The following CWC25 variants were observed in gnomAD, a reference collection of about 807,000 sequenced individuals.
The protein encoded by CWC25 is pre-mRNA-splicing factor CWC25 homolog.
Under a neutral mutation model 54.6 loss-of-function variants are expected in CWC25, and 31 were observed. The ratio of observed to expected loss-of-function variants is 0.57; its 90% CI spans 0.43 to 0.77. The LOEUF is 0.77. CWC25 is among the 30% of genes least tolerant of loss of function. The pLI, the probability that CWC25 is intolerant of heterozygous loss-of-function variation, is 0.00. For missense variants in CWC25, 453 were observed against 529.3 expected (o/e 0.86, Z 1.41); for synonymous variants, 151 against 187.0 (o/e 0.81, Z 1.57).
At chr17:38,824,690 T>A (rs1217897222) in intron 1 of CWC25, among the ~76,000 whole-genome samples, 1 of 146,638 alleles carries the variant, frequency 6.8e-6, no homozygotes, top group Admixed American at 6.8e-5. Context: ...CTCAAAAAAA[T>A]AAAAAATAAA....
rs1241140978 is a variant in CWC25, at chr17:38,815,039, C to T, written c.250G>A (p.Asp84Asn). The change falls in exon 3 of 10, where the codon GAC becomes AAC. Residue 84 changes from aspartate to asparagine, a missense_variant. Coordinates refer to ENST00000614790, the MANE Select transcript of CWC25 (RefSeq NM_017748.5). ...ATGGGGCGCCCCAGCAGGTACTCGT[C>T]ACGGTTCACCATCCCACCAGGACCC... Reference protein sequence around the residue: ...YQGPGGMVNRDEYLLGRPIDK... With the variant: ...YQGPGGMVNRNEYLLGRPIDK... 6.2e-7 allele frequency: 1 copy of T among 1,613,980 alleles called. No homozygotes were observed. Among genetic ancestry groups the T allele is most frequent in the Non-Finnish European group, 8.5e-7 (1 of 1,179,908 alleles).
chr17:38,812,568 G>A (rs369895431), intron 4 of CWC25, among the ~76,000 whole-genome samples: 53 of 151,342 alleles, frequency 3.5e-4, no homozygotes, highest in African/African-American at 1.2e-3. Context: ...CGGAGGTTGC[G>A]GTGAGCTGAG....
In CWC25 at chr17:38,825,198, T is replaced by C; in HGVS notation, c.-15A>G. On this transcript the variant is annotated 5_prime_UTR_variant, in exon 1 of 10. Transcript: ENST00000614790. Reference sequence around the variant, plus strand: ...CCGCCCCCCATGACGGTGGAGACGATTCCTCACTACGCGGATCTGGAAGAT... The same window carrying C: ...CCGCCCCCCATGACGGTGGAGACGACTCCTCACTACGCGGATCTGGAAGAT... 2 of 1,588,042 alleles carry C rather than the reference T, an allele frequency of 1.3e-6. No homozygotes were observed. Among genetic ancestry groups the C allele is most frequent in the Non-Finnish European group, 1.7e-6 (2 of 1,167,712 alleles).
In CWC25 at chr17:38,802,079, G is replaced by T. The variant is rs1321002176; in HGVS notation, c.*13C>A. 3 of 1,529,048 alleles carry T rather than the reference G, an allele frequency of 2.0e-6. No homozygotes were observed. Among genetic ancestry groups the T allele is most frequent in the South Asian group, 1.1e-5 (1 of 88,906 alleles). 94.7% of individuals were successfully genotyped at this position (1,529,048 alleles called of 1,614,324 possible). A position where few individuals can be genotyped will look rare whatever the true frequency, so the allele number is the denominator to read the frequency against. ...GGAAAATGCAGGAAAACCAATAAGAGAGGGGACAGTTTTCATCTTTTCATA... is the reference window on the plus strand; with the variant it reads ...GGAAAATGCAGGAAAACCAATAAGATAGGGGACAGTTTTCATCTTTTCATA... On this transcript the variant is annotated 3_prime_UTR_variant, in exon 10 of 10. Transcript: ENST00000614790.
rs777481758 is a variant in CWC25 at position 38,825,146 on chromosome 17, C to T, written c.18+20G>A. ...CGTCCCGGCCTCAGTCCTCCCCCGC[C>T]CAGGCCTCCCTCCACTCACCAGGTC... On this transcript the variant is annotated intron_variant, in intron 1 of 9. Transcript: ENST00000614790. The T allele has an allele frequency of 1.9e-6, 3 of 1,554,168 alleles. No individual in the cohort carries two copies. The highest frequency in any genetic ancestry group is 2.0e-5 in the Admixed American group (1 of 49,082).
chr17:38,819,014 CTTATTTAT>C lies in CWC25; in HGVS notation c.191+1879_191+1886del, dbSNP rs35573113. ...GTATTCAGTCTAAAATCAATTTTTA[CTTATTTAT>C]TTATTTATTTATTTACTTAGAGGCA... On this transcript the variant is annotated intron_variant, in intron 2 of 9. Transcript: ENST00000614790. 2.0e-5 allele frequency among the ~76,000 whole-genome samples: 3 copies of C among 150,150 alleles called. No individual in the cohort carries two copies. In the Admixed American group the frequency reaches 2.0e-4, roughly 10 times the overall value.
At position 38,814,970 on chromosome 17, in the gene CWC25, A is replaced by AGCCT; in HGVS notation, c.315_318dup (p.Cys107ArgfsTer5). 1 of 1,613,864 alleles carries AGCCT rather than the reference A, an allele frequency of 6.2e-7. No homozygotes were observed. Among genetic ancestry groups the AGCCT allele is most frequent in the Non-Finnish European group, 8.5e-7 (1 of 1,179,878 alleles). Reference sequence around the variant, plus strand: ...GGGAGAAGTCCTGTTTCAGAAGAGCAGCCTGCCTCCTTCTCCTCCATCTTC... The same window carrying AGCCT: ...GGGAGAAGTCCTGTTTCAGAAGAGCAGCCTGCCTGCCTCCTTCTCCTCCATCTTC... On this transcript the variant is annotated frameshift_variant, in exon 3 of 10. Transcript: ENST00000614790. LOFTEE classifies it high-confidence loss of function.
rs1434745508 is a variant in CWC25, at chr17:38,801,524, T to C, written c.*568A>G. On this transcript the variant is annotated 3_prime_UTR_variant, in exon 10 of 10. Transcript: ENST00000614790. ...CATGTAAAAATTGTACATTTGTACATATACGCATTACAATTTTACATCCAA... is the reference window on the plus strand; with the variant it reads ...CATGTAAAAATTGTACATTTGTACACATACGCATTACAATTTTACATCCAA... The C allele has an allele frequency of 6.6e-6, 1 of 152,280 alleles. No homozygotes were observed. The highest frequency in any genetic ancestry group is 1.5e-5 in the Non-Finnish European group (1 of 68,060). 9.4% of individuals were successfully genotyped at this position (152,280 alleles called of 1,614,324 possible).
chr17:38,825,043 G>A lies in CWC25; in HGVS notation c.18+123C>T, dbSNP rs946665856. The A allele has an allele frequency of 1.0e-5, 9 of 881,694 alleles. No homozygotes were observed. The Admixed American group carries it at 3.0e-4, about 30-fold the overall frequency. 54.6% of individuals were successfully genotyped at this position (881,694 alleles called of 1,614,324 possible). A position where few individuals can be genotyped will look rare whatever the true frequency, so the allele number is the denominator to read the frequency against. ...GGATCCATCCCCTCTTCAGGGCAAC[G>A]GCCTCCTCCCGGCGAAAGCAAAGCT... On this transcript the variant is annotated intron_variant, in intron 1 of 9. Coordinates refer to ENST00000614790, the MANE Select transcript of CWC25 (RefSeq NM_017748.5).
chr17:38,806,556 T>C (rs1057298921), intron 7 of CWC25, 161 bp from the exon 8 acceptor site: 4 of 752,776 alleles, frequency 5.3e-6, no homozygotes, highest in Non-Finnish European at 6.4e-6. Flanking sequence ...ACCCCAGAGC[T>C]CCCAAAGCAC....
intron 9 of CWC25, 40 bp downstream of exon 9, chr17:38,802,660 T>C (rs1165556965): frequency 1.2e-6 from 2 of 1,609,534 alleles, no homozygotes; most frequent in Non-Finnish European, 1.7e-6. Context: ...TCTTAAGACC[T>C]TCCCCATGAA....
At position 38,802,061 on chromosome 17, in the gene CWC25, G is replaced by T; in HGVS notation, c.*31C>A. The T allele has an allele frequency of 7.1e-7, 1 of 1,416,992 alleles. No homozygotes were observed. Among genetic ancestry groups the T allele is most frequent in the Non-Finnish European group, 9.9e-7 (1 of 1,005,054 alleles). The allele number at this position is 1,416,992 out of a possible 1,614,324, so 87.8% of individuals were successfully genotyped here. On this transcript the variant is annotated 3_prime_UTR_variant, in exon 10 of 10. Coordinates refer to ENST00000614790, the MANE Select transcript of CWC25 (RefSeq NM_017748.5). ...GGGGTCAGCAGCTTCCCTGGAAAATGCAGGAAAACCAATAAGAGAGGGGAC... is the reference window on the plus strand; with the variant it reads ...GGGGTCAGCAGCTTCCCTGGAAAATTCAGGAAAACCAATAAGAGAGGGGAC...
At position 38,802,769 on chromosome 17, in the gene CWC25, C is replaced by A; in HGVS notation, c.1094G>T (p.Arg365Met). ...REEERLNILK[R>M]HAKDEEREQR... Reference sequence around the variant, plus strand: ...CTCCCGTTCCTCATCCTTAGCATGCCTCTTGAGGATGTTCAGTCTCTCCTC... The same window carrying A: ...CTCCCGTTCCTCATCCTTAGCATGCATCTTGAGGATGTTCAGTCTCTCCTC... The change falls in exon 9 of 10, where the codon AGG (arginine) becomes ATG (methionine). Residue 365 changes from arginine (R) to methionine (M), a missense_variant. Transcript: ENST00000614790. 6.2e-7 allele frequency: 1 copy of A among 1,614,028 alleles called. No homozygotes were observed. Among genetic ancestry groups the A allele is most frequent in the Non-Finnish European group, 8.5e-7 (1 of 1,179,900 alleles).
intron 6 of CWC25, among the ~76,000 whole-genome samples, chr17:38,807,322 CAAAAAAAAAAAAA>C (rs57710053): frequency 1.8e-5 from 1 of 56,550 alleles, no homozygotes; most frequent in Non-Finnish European, 3.5e-5. Context: ...GACTCCGTCT[CAAAAAAAAAAAAA>C]AAAAAAAGAA....
intron 8 of CWC25, among the ~76,000 whole-genome samples, chr17:38,805,191 C>T (rs909154696): frequency 1.3e-5 from 2 of 151,810 alleles, no homozygotes; most frequent in African/African-American, 4.8e-5. Flanking sequence ...AGGAGAATCA[C>T]TTGAACCCCG....
intron 6 of CWC25, among the ~76,000 whole-genome samples, chr17:38,807,452 C>T (rs572281386): frequency 7.1e-6 from 1 of 140,798 alleles, no homozygotes; most frequent in Non-Finnish European, 1.6e-5. Context: ...CTGCAGAATC[C>T]CCTAAAAGAA....
chr17:38,810,920 C>CAA (rs71352314), intron 4 of CWC25, among the ~76,000 whole-genome samples: 39,366 of 71,180 alleles, frequency 0.55, 11,633 homozygotes, highest in East Asian at 0.71. Context: ...AACTGTGTCT[C>CAA]AAAAAAAAAA....
chr17:38,802,784 A>G lies in CWC25; in HGVS notation c.1079T>C (p.Leu360Pro), dbSNP rs778217832. The change falls in exon 9 of 10, where the codon CTG becomes CCG. Residue 360 changes from leucine (L) to proline (P), a missense_variant. Around this residue, in one of 2 missense-constraint regions of CWC25, gnomAD observed 444 missense variants for 499.2 expected, o/e 0.89. Transcript: ENST00000614790. ...ENAKWREEER[L>P]NILKRHAKDE... ...CTTAGCATGCCTCTTGAGGATGTTCAGTCTCTCCTCCTCCCTCCATTTGGC... is the reference window on the plus strand; with the variant it reads ...CTTAGCATGCCTCTTGAGGATGTTCGGTCTCTCCTCCTCCCTCCATTTGGC... 5 of 1,613,826 alleles carry G rather than the reference A, an allele frequency of 3.1e-6. No homozygotes were observed. The African/African-American group carries it at 6.7e-5, about 22-fold the overall frequency.
intron 6 of CWC25, among the ~76,000 whole-genome samples, chr17:38,807,353 TG>T (rs1440533860): frequency 7.7e-6 from 1 of 129,998 alleles, no homozygotes; most frequent in Non-Finnish European, 1.7e-5. Flanking sequence ...GAAAAGGCAG[TG>T]AAACAGGAAA....
Sources: allele counts gnomAD v4.1 joint callset (sites outside exome capture counted in the v4.1 genomes callset), GRCh38; gene constraint gnomAD v4.1.1; regional missense constraint gnomAD v4.1.1; transcripts MANE v1.5; gene names NCBI Gene and HGNC (gene_info 2026-07-23, HGNC 2026-07-21).